Variants in RANBP17 observed in about 807,000 individuals in gnomAD.
RANBP17 encodes ran-binding protein 17.
A neutral mutation model predicts 141.2 loss-of-function variants in RANBP17; 158 were observed. The observed-to-expected ratio is 1.12, with a 90% CI of 0.98 to 1.28. The LOEUF (loss-of-function observed/expected upper bound fraction) is 1.28, where lower values mean the gene tolerates loss of function less well. RANBP17 is among the 50% of genes most tolerant of loss of function. The pLI is 0.00. For synonymous variants in RANBP17, 430 were observed against 450.0 expected (o/e 0.96, Z 0.56); for missense variants, 1,438 against 1,290.7 (o/e 1.11, Z -1.75).
At chr5:171,033,423 G>T (rs928320090) in intron 14 of RANBP17, among the ~76,000 whole-genome samples, 4 of 152,090 alleles carry the variant, frequency 2.6e-5, no homozygotes, top group African/African-American at 9.7e-5. Flanking sequence ...CCATATTAAA[G>T]AAGAAAATCC....
intron 14 of RANBP17, among the ~76,000 whole-genome samples, chr5:170,987,748 A>C (rs1293460417): frequency 6.6e-6 from 1 of 151,710 alleles, no homozygotes; most frequent in Non-Finnish European, 1.5e-5. Flanking sequence ...TGAATTCCAT[A>C]AGTGCATTTA....
At chr5:171,085,399 T>G (rs1581593773) in intron 14 of RANBP17, among the ~76,000 whole-genome samples, 1 of 81,196 alleles carries the variant, frequency 1.2e-5, no homozygotes, top group Admixed American at 1.3e-4. Flanking sequence ...GGGAGTGTGA[T>G]GCCTCTAGCT....
intron 20 of RANBP17, among the ~76,000 whole-genome samples, chr5:171,210,848 T>C (rs1423375580): frequency 6.6e-6 from 1 of 151,206 alleles, no homozygotes; most frequent in Non-Finnish European, 1.5e-5. Flanking sequence ...CTACTAAAAA[T>C]AGAAATATTA....
intron 14 of RANBP17, among the ~76,000 whole-genome samples, chr5:171,024,519 G>T (rs1291336440): frequency 6.6e-6 from 1 of 152,094 alleles, no homozygotes; most frequent in Non-Finnish European, 1.5e-5. Flanking sequence ...TAACATAAAA[G>T]AAGCACACCA....
intron 14 of RANBP17, among the ~76,000 whole-genome samples, chr5:171,060,868 A>G (rs1476303238): frequency 6.6e-6 from 1 of 152,144 alleles, no homozygotes; most frequent in Non-Finnish European, 1.5e-5. Context: ...TCAGAGATTC[A>G]GCTTCTTCCT....
intron 24 of RANBP17, among the ~76,000 whole-genome samples, chr5:171,262,305 G>C (rs1157011636): frequency 6.6e-6 from 1 of 152,122 alleles, no homozygotes; most frequent in Non-Finnish European, 1.5e-5. Context: ...AAGCAACCAG[G>C]CTCAACAAGT....
chr5:171,029,441 G>C (rs1225696987), intron 14 of RANBP17, among the ~76,000 whole-genome samples: 1 of 151,714 alleles, frequency 6.6e-6, no homozygotes, highest in Non-Finnish European at 1.5e-5. Flanking sequence ...TATGTTTGTA[G>C]ATGGCTTGGA....
chr5:171,063,568 C>G (rs1354485042), intron 14 of RANBP17, among the ~76,000 whole-genome samples: 2 of 152,320 alleles, frequency 1.3e-5, no homozygotes, highest in South Asian at 2.1e-4. Context: ...CAGTCTGCCC[C>G]TACTAGGGGG....
chr5:171,269,185 ATATC>A (rs1404554548), intron 25 of RANBP17, among the ~76,000 whole-genome samples: 9 of 152,168 alleles, frequency 5.9e-5, no homozygotes, highest in African/African-American at 2.2e-4. Flanking sequence ...AGGTATAGTA[ATATC>A]TGACATCATC....
chr5:171,077,148 G>A (rs557054412), intron 14 of RANBP17, among the ~76,000 whole-genome samples: 2 of 152,170 alleles, frequency 1.3e-5, no homozygotes, highest in Non-Finnish European at 2.9e-5. Context: ...GACCATCCTG[G>A]CAAACACGGT....
intron 5 of RANBP17, chr5:170,897,115 T>C: frequency 2.4e-6 from 2 of 837,114 alleles, no homozygotes; most frequent in Non-Finnish European, 4.0e-6. Flanking sequence ...GGATAGTGAA[T>C]GAAATTCTGC....
chr5:170,979,539 T>C (rs531794874), intron 14 of RANBP17, among the ~76,000 whole-genome samples: 6 of 152,274 alleles, frequency 3.9e-5, no homozygotes, highest in Non-Finnish European at 7.4e-5. Context: ...TGAGAGGTAA[T>C]TGAATCATGG....
At chr5:170,971,079 TG>T (rs1293772114) in intron 14 of RANBP17, among the ~76,000 whole-genome samples, 1 of 152,168 alleles carries the variant, frequency 6.6e-6, no homozygotes, top group Non-Finnish European at 1.5e-5. Flanking sequence ...AGTTGGAAAA[TG>T]ATGCTGACTT....
intron 14 of RANBP17, among the ~76,000 whole-genome samples, chr5:170,972,916 C>T (rs1451546548): frequency 6.6e-6 from 1 of 152,098 alleles, no homozygotes; most frequent in African/African-American, 2.4e-5. Flanking sequence ...AATTTTTCTG[C>T]TTAAATTTTT....
chr5:171,258,295 A>T (rs548106566), intron 24 of RANBP17, among the ~76,000 whole-genome samples: 3 of 152,164 alleles, frequency 2.0e-5, no homozygotes, highest in Non-Finnish European at 4.4e-5. Flanking sequence ...AATATTGTTA[A>T]AATGTCCATA....
At chr5:171,117,955 G>A (rs1335818696) in intron 14 of RANBP17, among the ~76,000 whole-genome samples, 1 of 151,984 alleles carries the variant, frequency 6.6e-6, no homozygotes, top group Non-Finnish European at 1.5e-5. Context: ...CATCCTGTAG[G>A]TTGTTCACTC....
chr5:171,167,412 G>T (rs1215375374), intron 14 of RANBP17, among the ~76,000 whole-genome samples: 1 of 152,122 alleles, frequency 6.6e-6, no homozygotes, highest in Non-Finnish European at 1.5e-5. Flanking sequence ...AAAGTCCACT[G>T]TAGTTATTTA....
intron 14 of RANBP17, among the ~76,000 whole-genome samples, chr5:171,165,070 T>C (rs1467567083): frequency 2.6e-5 from 4 of 152,200 alleles, no homozygotes; most frequent in African/African-American, 4.8e-5. Context: ...TGCAGAAGGG[T>C]CAATGAAAGG....
At chr5:171,219,319 T>G (rs1028889055) in intron 21 of RANBP17, among the ~76,000 whole-genome samples, 2 of 152,184 alleles carry the variant, frequency 1.3e-5, no homozygotes, top group Non-Finnish European at 2.9e-5. Context: ...TGGCTGCCCT[T>G]AACATTTTTT....
Sources: gnomAD v4.1 joint callset for allele counts (sites outside exome capture counted in the v4.1 genomes callset) on GRCh38, gnomAD v4.1.1 for gene constraint, MANE v1.5 for transcripts, NCBI Gene and HGNC (gene_info 2026-07-23, HGNC 2026-07-21) for gene names.